TANGO6: variants seen among roughly 807,000 people sequenced by gnomAD.
TANGO6 encodes the protein transport and Golgi organization protein 6 homolog.
In TANGO6, 90 loss-of-function variants were observed where a neutral mutation model predicts 114.2. The observed-to-expected ratio is 0.79, with a 90% CI of 0.66 to 0.94. The LOEUF (loss-of-function observed/expected upper bound fraction) is 0.94, where lower values mean the gene tolerates loss of function less well. TANGO6 is among the 40% of genes least tolerant of loss of function. TANGO6 has a pLI of 0.00. For missense variants in TANGO6, 1,274 were observed against 1,315.3 expected, an observed-to-expected ratio of 0.97 and a Z score of 0.49; for synonymous variants, 477 against 509.8, an observed-to-expected ratio of 0.94 and a Z score of 0.87.
At chr16:68,851,642 A>C (rs1378743428) in intron 1 of TANGO6, among the ~76,000 whole-genome samples, 4 of 152,142 alleles carry the variant, frequency 2.6e-5, no homozygotes. Flanking sequence ...GTAAATACGT[A>C]ATTTTGCATT....
At chr16:68,973,878 C>A in intron 14 of TANGO6, 150 bp from the exon 15 acceptor site, 1 of 850,786 alleles carries the variant, frequency 1.2e-6, no homozygotes, top group Non-Finnish European at 1.8e-6. Context: ...ACTCACTATG[C>A]TGACTCTCCA....
Position 69,022,811 on chromosome 16 carries a change from C to T in TANGO6, c.2843-17C>T. 3 of 1,558,880 alleles carry T rather than the reference C, an allele frequency of 1.9e-6. No individual in the cohort carries two copies. The highest frequency in any genetic ancestry group is 2.6e-6 in the Non-Finnish European group (3 of 1,151,422). ...ATTTTGTTTTAAGGGGTTTTGATTT[C>T]TTCCTTTTTCCTATAGGAGACATGG... On this transcript the variant is annotated splice_polypyrimidine_tract_variant and intron_variant, in intron 15 of 17. Coordinates refer to ENST00000261778, the MANE Select transcript of TANGO6 (RefSeq NM_024562.2).
At chr16:69,039,401 C>A (rs974567500) in intron 16 of TANGO6, among the ~76,000 whole-genome samples, 3 of 151,402 alleles carry the variant, frequency 2.0e-5, no homozygotes, top group Admixed American at 6.6e-5. Context: ...CTTGGGAGGC[C>A]AAGGCAGGAG....
In TANGO6 at chr16:69,028,488, C is replaced by G. The variant is rs148409745; in HGVS notation, c.2994+5509C>G. 4.6e-3 allele frequency among the ~76,000 whole-genome samples: 701 copies of G among 151,992 alleles called. 5 individuals are homozygous for G. Among genetic ancestry groups the G allele is most frequent in the African/African-American group, 0.016 (668 of 41,482 alleles). On this transcript the variant is annotated intron_variant, in intron 16 of 17. Coordinates refer to ENST00000261778, the MANE Select transcript of TANGO6 (RefSeq NM_024562.2). ...CTACCAAAAATACAAAATAAATTAG[C>G]CAGGCGTGGTGGCACATGCCTGTAA...
rs201816789 is a variant in TANGO6 at position 68,860,197 on chromosome 16, A to G, written c.408A>G (p.Ala136=). The change falls in exon 2 of 18, where the codon GCA becomes GCG. Residue 136 remains alanine, a synonymous_variant. Coordinates refer to ENST00000261778, the MANE Select transcript of TANGO6 (RefSeq NM_024562.2). ...TTGCTCCTGCCCTGAGCCCCGATGC[A>G]CTTAGTATCTCACAACAGAAGACTG... ...PEVAPALSPD[A]LSISQQKTVQ... The G allele has an allele frequency of 3.1e-4, 508 of 1,613,992 alleles. 3 individuals carry two copies. The Middle Eastern group carries it at 0.015, about 46-fold the overall frequency.
At chr16:68,997,522 A>G (rs997593986) in intron 15 of TANGO6, among the ~76,000 whole-genome samples, 5 of 152,184 alleles carry the variant, frequency 3.3e-5, no homozygotes, top group Admixed American at 2.6e-4. Flanking sequence ...TTAGCATGCT[A>G]ATGCATTATA....
At chr16:69,057,164 G>A (rs1004579182) in intron 17 of TANGO6, among the ~76,000 whole-genome samples, 2 of 151,732 alleles carry the variant, frequency 1.3e-5, no homozygotes, top group African/African-American at 2.4e-5. Context: ...ACAAGTTCCC[G>A]TGAATGGCCT....
At chr16:69,012,425 G>A (rs983965228) in intron 15 of TANGO6, among the ~76,000 whole-genome samples, 3 of 151,756 alleles carry the variant, frequency 2.0e-5, no homozygotes, top group Middle Eastern at 3.4e-3. Context: ...GCATGGTGGC[G>A]CATGCCTGTA....
At chr16:68,890,605 G>C (rs1023473922) in intron 7 of TANGO6, among the ~76,000 whole-genome samples, 3 of 152,234 alleles carry the variant, frequency 2.0e-5, no homozygotes. Flanking sequence ...GCATGTGGCC[G>C]GGTGTGGTGG....
intron 15 of TANGO6, among the ~76,000 whole-genome samples, chr16:69,000,331 A>G (rs57366583): frequency 0.048 from 7,338 of 152,292 alleles, 316 homozygotes; most frequent in African/African-American, 0.11. Flanking sequence ...TCAGAAAAAG[A>G]CTTAATTTAG....
intron 1 of TANGO6, among the ~76,000 whole-genome samples, chr16:68,859,593 A>G (rs544675595): frequency 3.3e-5 from 5 of 152,372 alleles, no homozygotes; most frequent in African/African-American, 1.2e-4. Context: ...GCCCAGTAAG[A>G]TGATTAAGAC....
intron 1 of TANGO6, among the ~76,000 whole-genome samples, chr16:68,851,958 C>T (rs1034811823): frequency 2.0e-5 from 3 of 152,176 alleles, no homozygotes; most frequent in Non-Finnish European, 2.9e-5. Flanking sequence ...ATTTGCATTT[C>T]TTTTCCTATA....
chr16:68,876,598 A>T (rs1962364684), intron 5 of TANGO6, among the ~76,000 whole-genome samples: 1 of 149,558 alleles, frequency 6.7e-6, no homozygotes, highest in African/African-American at 2.5e-5. Flanking sequence ...AGGTGGGCAG[A>T]TTACTTGAGG....
chr16:68,918,880 T>G (rs1246259541), intron 11 of TANGO6, among the ~76,000 whole-genome samples: 2 of 152,212 alleles, frequency 1.3e-5, no homozygotes, highest in African/African-American at 2.4e-5. Context: ...TCTGTGTCCT[T>G]TGTAATAACC....
chr16:68,977,776 C>T (rs903162964), intron 15 of TANGO6, among the ~76,000 whole-genome samples: 8 of 151,346 alleles, frequency 5.3e-5, no homozygotes, highest in Non-Finnish European at 2.9e-5. Context: ...GCCTCTGCCT[C>T]CTGGGTTCAA....
intron 8 of TANGO6, 58 bp from the exon 9 acceptor site, chr16:68,902,270 G>T: frequency 6.7e-7 from 1 of 1,501,172 alleles, no homozygotes. Context: ...TTTTATGTTA[G>T]CTTGTTAGAT....
chr16:69,011,506 T>C (rs149944351), intron 15 of TANGO6, among the ~76,000 whole-genome samples: 215 of 151,548 alleles, frequency 1.4e-3, no homozygotes, highest in African/African-American at 4.6e-3. Context: ...CAGACTGGAG[T>C]GCAGTGGCAC....
At chr16:68,958,815 G>C (rs1445545857) in intron 14 of TANGO6, among the ~76,000 whole-genome samples, 2 of 152,006 alleles carry the variant, frequency 1.3e-5, no homozygotes, top group Non-Finnish European at 2.9e-5. Context: ...GTGCTTGCCT[G>C]TGGTCCCAGC....
intron 12 of TANGO6, among the ~76,000 whole-genome samples, chr16:68,924,131 A>G (rs1397480193): frequency 1.3e-5 from 2 of 152,232 alleles, no homozygotes; most frequent in African/African-American, 4.8e-5. Context: ...AGTGCCTCCA[A>G]TTTTACAACT....
Sources: allele counts gnomAD v4.1 joint callset (sites outside exome capture counted in the v4.1 genomes callset), GRCh38; gene constraint gnomAD v4.1.1; transcripts MANE v1.5; gene names NCBI Gene and HGNC (gene_info 2026-07-23, HGNC 2026-07-21).